FGD4: variants seen among roughly 807,000 people sequenced by gnomAD.
The protein encoded by FGD4 is FYVE, RhoGEF and PH domain-containing protein 4.
In FGD4, 42 loss-of-function variants were observed where a neutral mutation model predicts 102.0. The ratio of observed to expected loss-of-function variants is 0.41; its 90% CI spans 0.32 to 0.53. FGD4 has a LOEUF of 0.53. Among genes scored for constraint, FGD4 ranks in the 20% least tolerant of loss-of-function variants. The probability of loss-of-function intolerance (pLI) is 0.21; values close to 1 mark genes in which losing one functional copy is unlikely to be tolerated. For synonymous variants in FGD4, 380 were observed against 375.7 expected (o/e 1.01, Z -0.13); for missense variants, 902 against 1,078.2 (o/e 0.84, Z 2.29).
intron 9 of FGD4, 54 bp downstream of exon 9, chr12:32,610,888 A>G: frequency 6.5e-7 from 1 of 1,547,504 alleles, no homozygotes; most frequent in East Asian, 2.2e-5. Context: ...TATCAATAAT[A>G]CTGCCTCAAT....
intron 15 of FGD4, 84 bp downstream of exon 15, chr12:32,633,773 TGGCACGATCTCA>T: frequency 7.9e-7 from 1 of 1,269,862 alleles, no homozygotes; most frequent in Non-Finnish European, 1.1e-6. Flanking sequence ...TGAGGTGCAG[TGGCACGATCTCA>T]GCTCACTGCA....
At chr12:32,451,533 A>T (rs1016407283) in intron 1 of FGD4, among the ~76,000 whole-genome samples, 2 of 152,146 alleles carry the variant, frequency 1.3e-5, no homozygotes, top group Non-Finnish European at 2.9e-5. Flanking sequence ...GATCACCATT[A>T]GTGATTTAGT....
Position 32,561,075 on chromosome 12 carries a change from G to GTT in FGD4, c.167-3037_167-3036dup, listed in dbSNP as rs1218919677. Among the ~76,000 whole-genome samples the GTT allele has an allele frequency of 1.9e-3, 160 of 85,174 alleles. 11 individuals are homozygous for GTT. The highest frequency in any genetic ancestry group is 5.9e-3 in the African/African-American group (129 of 21,766). 55.9% of individuals were successfully genotyped at this position (85,174 alleles called of 152,430 possible). A position where few individuals can be genotyped will look rare whatever the true frequency, so the allele number is the denominator to read the frequency against. On this transcript the variant is annotated intron_variant, in intron 1 of 16. Coordinates refer to ENST00000534526, the MANE Select transcript of FGD4 (RefSeq NM_001370298.3). ...AAATGTGGTTTCTTTGTTGGGTTTT[G>GTT]TTTTTTTTTTTTTTTTTTTTTTTTT... is the stretch of plus-strand genomic sequence containing the variant.
At chr12:32,564,808 A>G (rs1875058) in intron 2 of FGD4, among the ~76,000 whole-genome samples, 5,947 of 152,320 alleles carry the variant, frequency 0.039, 315 homozygotes, top group African/African-American at 0.12. Flanking sequence ...AGTGAGGGTA[A>G]AGAAAAAGCC....
At chr12:32,613,654 GAGGAGGATCCTAGCTACTGAGGC>G (rs1178189134) in intron 10 of FGD4, among the ~76,000 whole-genome samples, 2 of 152,096 alleles carry the variant, frequency 1.3e-5, no homozygotes, top group Non-Finnish European at 2.9e-5. Flanking sequence ...TACTTGAGAG[GAGGAGGATCCTAGCTACTGAGGC>G]AGGAGGATCT....
chr12:32,414,997 T>G (rs954409962), intron 1 of FGD4, among the ~76,000 whole-genome samples: 4 of 152,220 alleles, frequency 2.6e-5, no homozygotes, highest in Non-Finnish European at 5.9e-5. Flanking sequence ...TATTATTGTT[T>G]CAATAAATTT....
At chr12:32,640,239 C>T in intron 16 of FGD4, 37 bp from the exon 17 acceptor site, 1 of 1,614,132 alleles carries the variant, frequency 6.2e-7, no homozygotes. Context: ...CAAGCGAATA[C>T]ATCACCTGCT....
chr12:32,533,342 G>A (rs1232017099), intron 1 of FGD4, among the ~76,000 whole-genome samples: 1 of 152,162 alleles, frequency 6.6e-6, no homozygotes, highest in African/African-American at 2.4e-5. Context: ...GGTTGGAGAG[G>A]TTATTTTCCC....
At chr12:32,522,917 G>C (rs1343141250) in intron 1 of FGD4, among the ~76,000 whole-genome samples, 1 of 152,200 alleles carries the variant, frequency 6.6e-6, no homozygotes, top group Admixed American at 6.5e-5. Context: ...TTGCTACAAA[G>C]CCTGAAATAA....
Position 32,506,136 on chromosome 12 carries a change from A to G in FGD4, c.167-58001A>G, listed in dbSNP as rs1938708965. ...ATGTTGAATGCAAACACGTAGGGCAAGATCAGCTTAACATCCTACACTGTT... is the reference window on the plus strand; with the variant it reads ...ATGTTGAATGCAAACACGTAGGGCAGGATCAGCTTAACATCCTACACTGTT... On this transcript the variant is annotated intron_variant, in intron 1 of 16. Coordinates refer to ENST00000534526, the MANE Select transcript of FGD4 (RefSeq NM_001370298.3). The surrounding 1 kb of genome is among the most constrained non-coding windows in gnomAD (Gnocchi z 4.5). Among the ~76,000 whole-genome samples the G allele has an allele frequency of 1.3e-5, 2 of 152,222 alleles. No homozygotes were observed. The highest frequency in any genetic ancestry group is 2.1e-4 in the South Asian group (1 of 4,828).
At chr12:32,401,733 T>C (rs553186709) in intron 1 of FGD4, among the ~76,000 whole-genome samples, 4 of 146,902 alleles carry the variant, frequency 2.7e-5, no homozygotes, top group African/African-American at 1.0e-4. Context: ...ATTCTTTTTT[T>C]TTTTTTTTTT....
intron 15 of FGD4, among the ~76,000 whole-genome samples, chr12:32,635,788 G>T (rs1033259820): frequency 6.6e-6 from 1 of 152,116 alleles, no homozygotes; most frequent in African/African-American, 2.4e-5. Flanking sequence ...GCTGAGGCGG[G>T]CGGATCACAA....
chr12:32,462,424 G>T (rs935371363), intron 1 of FGD4, among the ~76,000 whole-genome samples: 2 of 152,188 alleles, frequency 1.3e-5, no homozygotes, highest in African/African-American at 4.8e-5. Flanking sequence ...GCCTCCCAAA[G>T]TGCTGGGATT....
intron 1 of FGD4, among the ~76,000 whole-genome samples, chr12:32,555,903 C>A (rs2136220998): frequency 6.6e-6 from 1 of 152,084 alleles, no homozygotes; most frequent in Admixed American, 6.5e-5. Context: ...ACAGCTGGAG[C>A]ACAGTGGTGC....
intron 1 of FGD4, among the ~76,000 whole-genome samples, chr12:32,468,626 C>T (rs1181674315): frequency 1.3e-5 from 2 of 152,108 alleles, no homozygotes; most frequent in African/African-American, 2.4e-5. Context: ...CCTGTAAACC[C>T]AGCACTTTGG....
chr12:32,625,622 C>A (rs760747841), intron 13 of FGD4, 32 bp from the exon 14 acceptor site: 17 of 1,606,920 alleles, frequency 1.1e-5, no homozygotes, highest in Non-Finnish European at 1.4e-5. Flanking sequence ...TAGTTTTTTT[C>A]TATTAAAATT....
At chr12:32,463,994 C>T (rs1487177130) in intron 1 of FGD4, among the ~76,000 whole-genome samples, 1 of 152,162 alleles carries the variant, frequency 6.6e-6, no homozygotes, top group Non-Finnish European at 1.5e-5. Flanking sequence ...ACACTGATTT[C>T]ACGTAGCCAC....
intron 4 of FGD4, 103 bp downstream of exon 4, chr12:32,582,570 A>G: frequency 6.8e-7 from 1 of 1,464,178 alleles, no homozygotes; most frequent in Non-Finnish European, 9.3e-7. Flanking sequence ...GAATCAGATC[A>G]CCCACACTGG....
chr12:32,450,338 C>T (rs1466313228), intron 1 of FGD4, among the ~76,000 whole-genome samples: 1 of 152,170 alleles, frequency 6.6e-6, no homozygotes, highest in Non-Finnish European at 1.5e-5. Flanking sequence ...TTCCAAAGTG[C>T]TGGGATTACA....
Sources: allele counts gnomAD v4.1 joint callset (sites outside exome capture counted in the v4.1 genomes callset), GRCh38; gene constraint gnomAD v4.1.1; non-coding constraint Gnocchi (gnomAD v3.1); transcripts MANE v1.5; gene names NCBI Gene and HGNC (gene_info 2026-07-23, HGNC 2026-07-21).